HERC6: variants seen among roughly 807,000 people sequenced by gnomAD.
HERC6 encodes HECT and RLD domain containing E3 ubiquitin protein ligase family member 6.
In HERC6, 101 loss-of-function variants were observed where a neutral mutation model predicts 114.5. The observed-to-expected ratio is 0.88, with a 90% CI of 0.75 to 1.04. HERC6 has a LOEUF of 1.04. Ranked by LOEUF, HERC6 falls within the 50% of genes least tolerant of loss-of-function variation. The probability of loss-of-function intolerance (pLI) is 0.00; values close to 1 mark genes in which losing one functional copy is unlikely to be tolerated. For synonymous variants in HERC6, 408 were observed against 436.2 expected, an observed-to-expected ratio of 0.94 and a Z score of 0.81; for missense variants, 1,133 against 1,230.9, an observed-to-expected ratio of 0.92 and a Z score of 1.19.
At chr4:88,408,999 G>C (rs553071545) in intron 11 of HERC6, among the ~76,000 whole-genome samples, 3 of 152,228 alleles carry the variant, frequency 2.0e-5, no homozygotes, top group Non-Finnish European at 4.4e-5. Context: ...TCCTGGGTGG[G>C]GGCCACAGGA....
chr4:88,415,282 T>A (rs1439198632), intron 12 of HERC6, among the ~76,000 whole-genome samples: 1 of 152,204 alleles, frequency 6.6e-6, no homozygotes, highest in Non-Finnish European at 1.5e-5. Flanking sequence ...ACTGCCTCAT[T>A]CTATTTAATG....
Position 88,442,599 on chromosome 4 carries a change from T to C in HERC6, c.*139T>C. ...GATTGGGGGAATGGGGAGATGATGATGATGGTCAAAGGGTGCAAAATCTCA... is the reference window on the plus strand; with the variant it reads ...GATTGGGGGAATGGGGAGATGATGACGATGGTCAAAGGGTGCAAAATCTCA... On this transcript the variant is annotated 3_prime_UTR_variant, in exon 23 of 23. Transcript: ENST00000264346. The C allele has an allele frequency of 4.1e-6, 3 of 722,930 alleles. No homozygotes were observed. The Admixed American group carries it at 7.4e-5, about 18-fold the overall frequency. 44.8% of individuals were successfully genotyped at this position (722,930 alleles called of 1,614,324 possible). A position where few individuals can be genotyped will look rare whatever the true frequency, so the allele number is the denominator to read the frequency against.
At position 88,442,275 on chromosome 4, in the gene HERC6, C is replaced by G. The variant is rs761602121; in HGVS notation, c.2884C>G (p.Gln962Glu). The change falls in exon 23 of 23, where the codon CAG becomes GAG. Residue 962 changes from glutamine to glutamate, a missense_variant. Coordinates refer to ENST00000264346, the MANE Select transcript of HERC6 (RefSeq NM_017912.4). ...TGATAGGCTGCATGCAAGAGGCATA[C>G]AGAAAATGGAAATAGTATTTCGCTG... ...GRDRLHARGIQKMEIVFRCPE... is the reference protein window; with the variant it reads ...GRDRLHARGIEKMEIVFRCPE... 6.2e-7 allele frequency: 1 copy of G among 1,613,340 alleles called. No individual in the cohort carries two copies. Among genetic ancestry groups the G allele is most frequent in the Non-Finnish European group, 8.5e-7 (1 of 1,179,604 alleles).
Position 88,379,072 on chromosome 4 carries a change from A to T in HERC6, c.151A>T (p.Ser51Cys), listed in dbSNP as rs756845717. The T allele has an allele frequency of 6.4e-7, 1 of 1,551,216 alleles. No individual in the cohort carries two copies. The highest frequency in any genetic ancestry group is 8.7e-7 in the Non-Finnish European group (1 of 1,149,078). The change falls in exon 1 of 23, where the codon AGC becomes TGC. Residue 51 changes from serine (S) to cysteine (C), a missense_variant. Ser to Cys is a moderately radical substitution (Grantham distance 112). This residue lies in a region of HERC6 where 735 missense variants were observed against 754.0 expected (regional missense o/e 0.97). Transcript: ENST00000264346. ...NHRVLSCGDNSRGQLGRRGAQ... is the reference protein window; with the variant it reads ...NHRVLSCGDNCRGQLGRRGAQ... ...CAGGGTCCTCTCGTGCGGAGACAAC[A>T]GCAGGGGTCAGCTGGGCCGCAGGGG... is the stretch of plus-strand genomic sequence containing the variant.
chr4:88,442,312 T>G lies in HERC6; in HGVS notation c.2921T>G (p.Phe974Cys), dbSNP rs375959684. ...ATAGTATTTCGCTGTCCTGAAACTT[T>G]CAGTGAAAGAGATCACCCAACATCA... is the stretch of plus-strand genomic sequence containing the variant. The part of the protein sequence containing the change: ...MEIVFRCPET[F>C]SERDHPTSIT... The change falls in exon 23 of 23, where the codon TTC becomes TGC. Residue 974 changes from phenylalanine (F) to cysteine (C), a missense_variant. This residue lies in a region of HERC6 where 388 missense variants were observed against 445.9 expected (regional missense o/e 0.87). Coordinates refer to ENST00000264346, the MANE Select transcript of HERC6 (RefSeq NM_017912.4). 1 of 1,613,836 alleles carries G rather than the reference T, an allele frequency of 6.2e-7. No individual in the cohort carries two copies. The highest frequency in any genetic ancestry group is 8.5e-7 in the Non-Finnish European group (1 of 1,179,830).
Position 88,408,576 on chromosome 4 carries a change from A to G in HERC6, c.1327A>G (p.Thr443Ala). ...TGTGGACTTAGAAATGGCAAGAGAT[A>G]CCTTCAAGAAGTTAACAAAAAAGGA... ...IDVDLEMARD[T>A]FKKLTKKEWI... Residue 443 changes from threonine (T) to alanine (A), a missense_variant, in exon 11 of 23, where the codon ACC becomes GCC. This residue lies in a region of HERC6 where 735 missense variants were observed against 754.0 expected (regional missense o/e 0.97). Transcript: ENST00000264346. 6.3e-7 allele frequency: 1 copy of G among 1,596,816 alleles called. No homozygotes were observed. Among genetic ancestry groups the G allele is most frequent in the South Asian group, 1.1e-5 (1 of 87,628 alleles).
At chr4:88,383,053 C>T in intron 1 of HERC6, 168 bp from the exon 2 acceptor site, 2 of 744,718 alleles carry the variant, frequency 2.7e-6, no homozygotes, top group Non-Finnish European at 4.2e-6. Context: ...ATTGAATTTA[C>T]TTCCTTCAGA....
chr4:88,431,267 TATCCTGAAATGGGTTCCTGC>T lies in HERC6; in HGVS notation c.2215_2234del (p.Pro739ValfsTer7). 6.2e-7 allele frequency: 1 copy of T among 1,611,866 alleles called. No individual in the cohort carries two copies. The highest frequency in any genetic ancestry group is 8.5e-7 in the Non-Finnish European group (1 of 1,179,190). On this transcript the variant is annotated frameshift_variant, in exon 17 of 23. Coordinates refer to ENST00000264346, the MANE Select transcript of HERC6 (RefSeq NM_017912.4). LOFTEE classifies it high-confidence loss of function. ...CAAGCCAGAATATGGAATGTTCATG[TATCCTGAAATGGGTTCCTGC>T]ATGTGGTTTCCTGCCAAGGTAAGTC... is the stretch of plus-strand genomic sequence containing the variant.
At chr4:88,426,000 T>C (rs879371412) in intron 15 of HERC6, among the ~76,000 whole-genome samples, 4 of 152,194 alleles carry the variant, frequency 2.6e-5, no homozygotes, top group Admixed American at 2.6e-4. Context: ...ATTTCAGTTA[T>C]TCATTCCCTT....
chr4:88,437,142 C>T (rs940296818), intron 19 of HERC6, among the ~76,000 whole-genome samples, 171 bp downstream of exon 19: 5 of 151,708 alleles, frequency 3.3e-5, no homozygotes, highest in African/African-American at 2.4e-5. Flanking sequence ...CTGCAGCCTC[C>T]GCCTCCTGGG....
chr4:88,441,159 T>C (rs986283820), intron 22 of HERC6, among the ~76,000 whole-genome samples: 1 of 152,202 alleles, frequency 6.6e-6, no homozygotes, highest in Non-Finnish European at 1.5e-5. Flanking sequence ...CTCATGTTCC[T>C]ATCTTCATCT....
chr4:88,407,728 C>T (rs1471991373), intron 10 of HERC6, among the ~76,000 whole-genome samples: 1 of 152,124 alleles, frequency 6.6e-6, no homozygotes, highest in Admixed American at 6.6e-5. Context: ...TTTGATAATG[C>T]ATTATTTAAA....
rs560379903 is a variant in HERC6, at chr4:88,417,246, A to C, written c.1559-179A>C. ...TAATGATACTTAATAAGGGAAAAAA[A>C]TTTCCACATCTGTGAGCAGTAACTG... On this transcript the variant is annotated intron_variant, in intron 12 of 22. Transcript: ENST00000264346. Among the ~76,000 whole-genome samples, 4 of 152,330 alleles carry C rather than the reference A, an allele frequency of 2.6e-5. No individual in the cohort carries two copies. The South Asian group carries it at 6.2e-4, about 24-fold the overall frequency.
At chr4:88,399,978 G>A (rs556238382) in intron 8 of HERC6, among the ~76,000 whole-genome samples, 2 of 152,292 alleles carry the variant, frequency 1.3e-5, no homozygotes, top group African/African-American at 4.8e-5. Context: ...GAAAGCCTGT[G>A]AGGCAAGAAT....
intron 13 of HERC6, 33 bp from the exon 14 acceptor site, chr4:88,423,827 A>C: frequency 1.0e-6 from 1 of 980,536 alleles, no homozygotes; most frequent in Non-Finnish European, 1.5e-6. Context: ...TTATTGATAG[A>C]AAATGAAATT....
Position 88,395,250 on chromosome 4 carries a change from G to C in HERC6, c.760-765G>C, listed in dbSNP as rs139161204. ...TAAATAGAATAAATAGAAATAAAGA[G>C]AAAGCTAGAGTTGTTTGTAATCATA... On this transcript the variant is annotated intron_variant, in intron 5 of 22. Coordinates refer to ENST00000264346, the MANE Select transcript of HERC6 (RefSeq NM_017912.4). 1.5e-3 allele frequency among the ~76,000 whole-genome samples: 222 copies of C among 152,254 alleles called. 1 individual carries two copies. Among genetic ancestry groups the C allele is most frequent in the African/African-American group, 5.1e-3 (210 of 41,564 alleles).
At position 88,442,686 on chromosome 4, in the gene HERC6, C is replaced by T. The variant is rs1482478376; in HGVS notation, c.*226C>T. ...GGGATCTAAGGATGACTTGGACACA[C>T]TCCCTGGCACTGAAGAGTCTGAACA... On this transcript the variant is annotated 3_prime_UTR_variant, in exon 23 of 23. Coordinates refer to ENST00000264346, the MANE Select transcript of HERC6 (RefSeq NM_017912.4). The T allele has an allele frequency of 5.4e-6, 3 of 560,562 alleles. No individual in the cohort carries two copies. The highest frequency in any genetic ancestry group is 2.1e-5 in the South Asian group (1 of 48,278). 34.7% of individuals were successfully genotyped at this position (560,562 alleles called of 1,614,324 possible).
chr4:88,440,326 A>G, intron 22 of HERC6, 76 bp downstream of exon 22: 2 of 868,154 alleles, frequency 2.3e-6, no homozygotes, highest in Non-Finnish European at 3.6e-6. Context: ...GAATGAAGCC[A>G]TTGAAGTGGC....
At chr4:88,395,844 A>G (rs2148881518) in intron 5 of HERC6, among the ~76,000 whole-genome samples, 171 bp from the exon 6 acceptor site, 1 of 152,266 alleles carries the variant, frequency 6.6e-6, no homozygotes, top group Non-Finnish European at 1.5e-5. Flanking sequence ...TTCATGTTTA[A>G]TGTGTTAACT....
Sources: gnomAD v4.1 joint callset for allele counts (sites outside exome capture counted in the v4.1 genomes callset) on GRCh38, gnomAD v4.1.1 for gene constraint, gnomAD v4.1.1 regional missense constraint, MANE v1.5 for transcripts, NCBI Gene and HGNC (gene_info 2026-07-23, HGNC 2026-07-21) for gene names.